MYOM2: variants seen among roughly 807,000 people sequenced by gnomAD.
MYOM2 encodes myomesin 2.
In MYOM2, 254 loss-of-function variants were observed where a neutral mutation model predicts 187.6. The observed-to-expected ratio is 1.35, with a 90% CI of 1.22 to 1.50. The LOEUF is 1.50. Ranked by LOEUF, MYOM2 falls within the 40% of genes most tolerant of loss-of-function variation. MYOM2 has a pLI of 0.00. For synonymous variants in MYOM2, 981 were observed against 753.8 expected, an observed-to-expected ratio of 1.30 and a Z score of -4.94; for missense variants, 2,796 against 1,924.0, an observed-to-expected ratio of 1.45 and a Z score of -8.48.
At chr8:2,050,937 CTT>C in intron 2 of MYOM2, 64 bp downstream of exon 2, 1 of 1,313,532 alleles carries the variant, frequency 7.6e-7, no homozygotes, top group Non-Finnish European at 1.1e-6. Context: ...CATTTAAAGG[CTT>C]TTCCAGTTCC....
intron 18 of MYOM2, among the ~76,000 whole-genome samples, chr8:2,097,795 G>A (rs1052670972): frequency 5.9e-5 from 9 of 152,206 alleles, no homozygotes; most frequent in African/African-American, 2.2e-4. Flanking sequence ...GGGATTACAG[G>A]CGTGAGTCAC....
chr8:2,054,075 C>T, intron 3 of MYOM2, among the ~76,000 whole-genome samples: 1 of 152,166 alleles, frequency 6.6e-6, no homozygotes, highest in East Asian at 1.9e-4. Flanking sequence ...TGGATTCCAG[C>T]CCTTATTAGA....
At chr8:2,118,156 C>T (rs1466676671) in intron 28 of MYOM2, among the ~76,000 whole-genome samples, 4 of 151,930 alleles carry the variant, frequency 2.6e-5, no homozygotes, top group Admixed American at 6.6e-5. Flanking sequence ...TTCTTCTTCA[C>T]GAAAAGATTA....
At chr8:2,104,206 TA>T (rs1443635691) in intron 21 of MYOM2, among the ~76,000 whole-genome samples, 1 of 152,172 alleles carries the variant, frequency 6.6e-6, no homozygotes, top group Non-Finnish European at 1.5e-5. Context: ...GGAGTCAACC[TA>T]AAAAGGGCAA....
intron 6 of MYOM2, among the ~76,000 whole-genome samples, chr8:2,063,622 A>T (rs1585837023): frequency 6.6e-6 from 1 of 152,132 alleles, no homozygotes; most frequent in African/African-American, 2.4e-5. Flanking sequence ...CGTTTTTTGT[A>T]CTTTATTTTT....
intron 32 of MYOM2, among the ~76,000 whole-genome samples, chr8:2,137,651 G>A (rs1207271942): frequency 1.3e-5 from 2 of 152,142 alleles, no homozygotes; most frequent in African/African-American, 4.8e-5. Flanking sequence ...AGGCCTATCA[G>A]TGTTGGCAAA....
chr8:2,108,600 G>A (rs528381463), intron 23 of MYOM2, among the ~76,000 whole-genome samples, 186 bp from the exon 24 acceptor site: 2 of 152,128 alleles, frequency 1.3e-5, no homozygotes, highest in African/African-American at 2.4e-5. Flanking sequence ...GTACTAGGTG[G>A]GTTCTTTAAA....
intron 18 of MYOM2, among the ~76,000 whole-genome samples, chr8:2,097,335 C>T (rs1796529460): frequency 6.6e-6 from 1 of 152,100 alleles, no homozygotes; most frequent in Non-Finnish European, 1.5e-5. Context: ...TCTAAATGTT[C>T]TCAACTTAAA....
intron 3 of MYOM2, among the ~76,000 whole-genome samples, chr8:2,057,111 T>C (rs574891911): frequency 4.6e-5 from 7 of 152,362 alleles, no homozygotes; most frequent in Non-Finnish European, 7.3e-5. Flanking sequence ...TGTATTTTTT[T>C]ATTAATAAAT....
intron 3 of MYOM2, among the ~76,000 whole-genome samples, chr8:2,057,009 C>G (rs530397356): frequency 6.6e-6 from 1 of 152,304 alleles, no homozygotes; most frequent in African/African-American, 2.4e-5. Flanking sequence ...TTTTGCTGCT[C>G]ACGGTAATTC....
chr8:2,066,514 G>T (rs1819024933), intron 6 of MYOM2, among the ~76,000 whole-genome samples: 1 of 152,200 alleles, frequency 6.6e-6, no homozygotes, highest in Non-Finnish European at 1.5e-5. Context: ...TTTGGGTTTG[G>T]AGAATGCATT....
intron 18 of MYOM2, among the ~76,000 whole-genome samples, chr8:2,097,886 G>A (rs1199609388): frequency 1.3e-5 from 2 of 152,204 alleles, no homozygotes; most frequent in African/African-American, 4.8e-5. Flanking sequence ...TCATCACCAC[G>A]CTGTGCAGGA....
intron 34 of MYOM2, 45 bp from the exon 35 acceptor site, chr8:2,142,330 A>T (rs199741930): frequency 1.3e-6 from 2 of 1,598,544 alleles, no homozygotes; most frequent in Non-Finnish European, 1.7e-6. Context: ...GCATTTTCTC[A>T]TACTCTCTTT....
chr8:2,093,148 C>T (rs1453098913), intron 16 of MYOM2, among the ~76,000 whole-genome samples: 1 of 152,104 alleles, frequency 6.6e-6, no homozygotes, highest in Non-Finnish European at 1.5e-5. Context: ...GATAGATGAT[C>T]AATTATGGCT....
chr8:2,138,315 C>T (rs1798152108), intron 32 of MYOM2, among the ~76,000 whole-genome samples: 1 of 152,214 alleles, frequency 6.6e-6, no homozygotes, highest in South Asian at 2.1e-4. Context: ...TTCTGCTTCC[C>T]TCTCCTGCTC....
chr8:2,130,546 T>C (rs1163352138), intron 32 of MYOM2, among the ~76,000 whole-genome samples: 1 of 152,240 alleles, frequency 6.6e-6, no homozygotes, highest in Admixed American at 6.5e-5. Flanking sequence ...CTTAGGTGAC[T>C]GTAAGTAAAT....
intron 4 of MYOM2, 27 bp from the exon 5 acceptor site, chr8:2,057,596 C>A: frequency 6.2e-7 from 1 of 1,613,544 alleles, no homozygotes; most frequent in African/African-American, 1.3e-5. Flanking sequence ...TGCCTGGGAA[C>A]CTGACCATCC....
intron 13 of MYOM2, among the ~76,000 whole-genome samples, chr8:2,083,075 T>C (rs567194225): frequency 6.6e-6 from 1 of 152,222 alleles, no homozygotes; most frequent in African/African-American, 2.4e-5. Context: ...CCTCCACACA[T>C]GAACAGAACC....
In MYOM2 at chr8:2,083,551, C is replaced by T. The variant is rs560565578; in HGVS notation, c.1517-1712C>T. 7.2e-5 allele frequency among the ~76,000 whole-genome samples: 11 copies of T among 152,242 alleles called. No individual in the cohort carries two copies. The South Asian group carries it at 1.7e-3, about 23-fold the overall frequency. Reference sequence around the variant, plus strand: ...TTAGCGGCATCTTGCGTGTGCTTAGCGGTGTCTCTCGTGTGCTCAGCAGTA... The same window carrying T: ...TTAGCGGCATCTTGCGTGTGCTTAGTGGTGTCTCTCGTGTGCTCAGCAGTA... On this transcript the variant is annotated intron_variant, in intron 13 of 36. Coordinates refer to ENST00000262113, the MANE Select transcript of MYOM2 (RefSeq NM_003970.4).
Sources: allele counts gnomAD v4.1 joint callset (sites outside exome capture counted in the v4.1 genomes callset), GRCh38; gene constraint gnomAD v4.1.1; transcripts MANE v1.5; gene names NCBI Gene and HGNC (gene_info 2026-07-23, HGNC 2026-07-21).